Variants in ZNF587B observed in about 807,000 individuals in gnomAD.
ZNF587B encodes zinc finger protein 587B.
A neutral mutation model predicts 7.2 loss-of-function variants in ZNF587B; 6 were observed. That is an observed-to-expected ratio of 0.83 (90% CI 0.46 to 1.65). The LOEUF is 1.65. Among genes scored for constraint, ZNF587B ranks in the 40% most tolerant of loss-of-function variants. The pLI, the probability that ZNF587B is intolerant of heterozygous loss-of-function variation, is 0.01. For synonymous variants in ZNF587B, 274 were observed against 254.3 expected, an observed-to-expected ratio of 1.08 and a Z score of -0.74; for missense variants, 749 against 761.0, an observed-to-expected ratio of 0.98 and a Z score of 0.19.
chr19:57,845,347 T>A lies in ZNF587B; in HGVS notation c.*2771T>A, dbSNP rs1330753171. On this transcript the variant is annotated 3_prime_UTR_variant, in exon 3 of 3. Coordinates refer to ENST00000594901, the MANE Select transcript of ZNF587B (RefSeq NM_001376223.1). ...ACTGTGTCTGTGATGGATAAGCAGATACAGAAATTCTCAAGACTTCCATAA... is the reference window on the plus strand; with the variant it reads ...ACTGTGTCTGTGATGGATAAGCAGAAACAGAAATTCTCAAGACTTCCATAA... The A allele has an allele frequency of 1.3e-5, 2 of 152,206 alleles. No individual in the cohort carries two copies. Among genetic ancestry groups the A allele is most frequent in the Non-Finnish European group, 2.9e-5 (2 of 68,040 alleles). 9.4% of individuals were successfully genotyped at this position (152,206 alleles called of 1,614,324 possible). A position where few individuals can be genotyped will look rare whatever the true frequency, so the allele number is the denominator to read the frequency against.
At position 57,843,577 on chromosome 19, in the gene ZNF587B, TGGTTGGTTG is replaced by T. The variant is rs1568501764; in HGVS notation, c.*1003_*1011del. ...TAAGTTTTTTGTTTGGTTGGTTGGT[TGGTTGGTTG>T]GTTGTTTTTTTTTGTTTTTTTTTTT... is the stretch of plus-strand genomic sequence containing the variant. On this transcript the variant is annotated 3_prime_UTR_variant, in exon 3 of 3. Transcript: ENST00000594901. 8 of 940,666 alleles carry T rather than the reference TGGTTGGTTG, an allele frequency of 8.5e-6. No homozygotes were observed. In the African/African-American group the frequency reaches 1.5e-4, roughly 17 times the overall value. The allele number at this position is 940,666 out of a possible 1,614,324, so 58.3% of individuals were successfully genotyped here.
chr19:57,832,435 C>G (rs1988453466), intron 1 of ZNF587B, among the ~76,000 whole-genome samples: 1 of 152,220 alleles, frequency 6.6e-6, no homozygotes, highest in South Asian at 2.1e-4. Context: ...TGATAGAATT[C>G]TGAATTTTTT....
chr19:57,842,618 C>T lies in ZNF587B; in HGVS notation c.*42C>T, dbSNP rs967403211. The T allele has an allele frequency of 7.1e-6, 10 of 1,404,474 alleles. No individual in the cohort carries two copies. The African/African-American group carries it at 8.7e-5, about 12-fold the overall frequency. The allele number at this position is 1,404,474 out of a possible 1,614,324, so 87.0% of individuals were successfully genotyped here. ...CAGTCTCATTAAATACAGGAGAGCA[C>T]ACACCTGAGTAAGATCTTGTGATTG... On this transcript the variant is annotated 3_prime_UTR_variant, in exon 3 of 3. Transcript: ENST00000594901.
chr19:57,841,559 A>G lies in ZNF587B; in HGVS notation c.885A>G (p.Gly295=). 1 of 1,579,266 alleles carries G rather than the reference A, an allele frequency of 6.3e-7. No homozygotes were observed. Among genetic ancestry groups the G allele is most frequent in the South Asian group, 1.1e-5 (1 of 87,178 alleles). Residue 295 remains glycine (G), a synonymous_variant, in exon 3 of 3, where the codon GGA becomes GGG. Transcript: ENST00000594901. ...AACATCAGCAATTTCACACTGGAGG[A>G]AAACCTTATGGGTGTGAAGAATGTG... ...LIQHQQFHTG[G]KPYGCEECGK...
intron 1 of ZNF587B, among the ~76,000 whole-genome samples, chr19:57,831,640 T>C (rs966489476): frequency 6.6e-6 from 1 of 152,126 alleles, no homozygotes; most frequent in African/African-American, 2.4e-5. Context: ...GTGATTCACC[T>C]GCCTCGGCCT....
chr19:57,836,436 T>A (rs558951305), intron 1 of ZNF587B, among the ~76,000 whole-genome samples: 2 of 152,352 alleles, frequency 1.3e-5, no homozygotes, highest in African/African-American at 4.8e-5. Flanking sequence ...GCCACCTGGA[T>A]GCCTGGTCAT....
chr19:57,832,327 C>T (rs547434389), intron 1 of ZNF587B, among the ~76,000 whole-genome samples: 8 of 152,340 alleles, frequency 5.3e-5, no homozygotes, highest in Non-Finnish European at 8.8e-5. Context: ...CATTGTGATC[C>T]GCCCGCCTTG....
intron 1 of ZNF587B, among the ~76,000 whole-genome samples, chr19:57,832,641 G>A (rs1988462023): frequency 6.6e-6 from 1 of 152,216 alleles, no homozygotes; most frequent in Non-Finnish European, 1.5e-5. Context: ...AAACAGTTAG[G>A]TGTTTATTGT....
intron 1 of ZNF587B, among the ~76,000 whole-genome samples, chr19:57,832,809 A>C (rs1220820457): frequency 8.5e-5 from 13 of 152,238 alleles, no homozygotes; most frequent in Admixed American, 8.5e-4. Flanking sequence ...GAGCTGTACC[A>C]CCTTTGTGGT....
At chr19:57,832,353 G>T (rs1041202718) in intron 1 of ZNF587B, among the ~76,000 whole-genome samples, 11 of 152,208 alleles carry the variant, frequency 7.2e-5, no homozygotes, top group African/African-American at 2.7e-4. Context: ...CCAAAGTGTT[G>T]GGATTACAGG....
intron 2 of ZNF587B, among the ~76,000 whole-genome samples, chr19:57,840,075 CAAAAAAAAAAAAAAAAAAAAAAAAA>C (rs774635301): frequency 6.2e-5 from 5 of 81,112 alleles, no homozygotes; most frequent in Non-Finnish European, 1.0e-4. Flanking sequence ...ACTCTGTCTC[CAAAAAAAAAAAAAAAAAAAAAAAAA>C]AAAAAAAAAA....
intron 1 of ZNF587B, among the ~76,000 whole-genome samples, chr19:57,832,247 C>T (rs113310441): frequency 0.04 from 6,060 of 151,794 alleles, 164 homozygotes; most frequent in Non-Finnish European, 0.054. Context: ...CTACTATGCC[C>T]GGCTTATTTT....
At chr19:57,830,767 C>T (rs1988349932) in intron 1 of ZNF587B, among the ~76,000 whole-genome samples, 1 of 151,556 alleles carries the variant, frequency 6.6e-6, no homozygotes, top group Non-Finnish European at 1.5e-5. Flanking sequence ...TTAGAGAAAA[C>T]GCCACACTTT....
rs201680969 is a variant in ZNF587B at position 57,843,606 on chromosome 19, T to TTTG, written c.*1032_*1033insGTT. The TTTG allele has an allele frequency of 3.1e-3, 2,773 of 908,538 alleles. 63 individuals are homozygous for TTTG. In the African/African-American group the frequency reaches 0.04, roughly 13 times the overall value. The allele number at this position is 908,538 out of a possible 1,614,324, so 56.3% of individuals were successfully genotyped here. A position where few individuals can be genotyped will look rare whatever the true frequency, so the allele number is the denominator to read the frequency against. On this transcript the variant is annotated 3_prime_UTR_variant, in exon 3 of 3. Coordinates refer to ENST00000594901, the MANE Select transcript of ZNF587B (RefSeq NM_001376223.1). ...TGGTTGGTTGTTTTTTTTTGTTTTT[T>TTTG]TTTTTTTTTTTTTTGGAGACAAAGT... is the stretch of plus-strand genomic sequence containing the variant.
chr19:57,837,876 C>T (rs745778295), intron 1 of ZNF587B, among the ~76,000 whole-genome samples: 18 of 152,112 alleles, frequency 1.2e-4, no homozygotes, highest in Non-Finnish European at 1.9e-4. Context: ...CGAGCCACCA[C>T]GCCTGGCTCA....
At position 57,844,849 on chromosome 19, in the gene ZNF587B, A is replaced by G. The variant is rs1238774822; in HGVS notation, c.*2273A>G. The G allele has an allele frequency of 1.3e-5, 2 of 152,244 alleles. No homozygotes were observed. The highest frequency in any genetic ancestry group is 4.8e-5 in the African/African-American group (2 of 41,460). The allele number at this position is 152,244 out of a possible 1,614,324, so 9.4% of individuals were successfully genotyped here. On this transcript the variant is annotated 3_prime_UTR_variant, in exon 3 of 3. Coordinates refer to ENST00000594901, the MANE Select transcript of ZNF587B (RefSeq NM_001376223.1). The stretch of plus-strand genomic sequence containing the variant: ...AGATCTTACAAGGCACACATGTGCC[A>G]TGATATCCAGAATTCTGTAAGGCAA...
chr19:57,838,173 G>A (rs1257416824), intron 1 of ZNF587B, among the ~76,000 whole-genome samples: 3 of 151,822 alleles, frequency 2.0e-5, no homozygotes, highest in Non-Finnish European at 4.4e-5. Flanking sequence ...CAGGTGTGGT[G>A]GTGCACACCT....
Position 57,842,664 on chromosome 19 carries a change from T to G in ZNF587B, c.*88T>G. On this transcript the variant is annotated 3_prime_UTR_variant, in exon 3 of 3. Coordinates refer to ENST00000594901, the MANE Select transcript of ZNF587B (RefSeq NM_001376223.1). ...GATTGCAGCAAATGTGGAAAATGTT[T>G]ACCCAAAAGAAGTCTGCTCTCCTTG... is the stretch of plus-strand genomic sequence containing the variant. The G allele has an allele frequency of 1.5e-6, 2 of 1,350,244 alleles. No individual in the cohort carries two copies. Among genetic ancestry groups the G allele is most frequent in the Non-Finnish European group, 1.9e-6 (2 of 1,055,236 alleles). The allele number at this position is 1,350,244 out of a possible 1,614,324, so 83.6% of individuals were successfully genotyped here.
rs201031251 is a variant in ZNF587B, at chr19:57,831,711, T to TA, written c.36+1147_36+1148insA. Among the ~76,000 whole-genome samples, 429 of 150,416 alleles carry TA rather than the reference T, an allele frequency of 2.9e-3. 2 individuals carry two copies. Among genetic ancestry groups the TA allele is most frequent in the African/African-American group, 4.7e-3 (193 of 40,896 alleles). On this transcript the variant is annotated intron_variant, in intron 1 of 2. Transcript: ENST00000594901. Reference sequence around the variant, plus strand: ...GCCCAGCTTATTTTATTTATTTATTTTTTTTTTTTTTGAGACAGAGTCTCA... The same window carrying TA: ...GCCCAGCTTATTTTATTTATTTATTTATTTTTTTTTTTGAGACAGAGTCTCA...
Sources: gnomAD v4.1 joint callset for allele counts (sites outside exome capture counted in the v4.1 genomes callset) on GRCh38, gnomAD v4.1.1 for gene constraint, MANE v1.5 for transcripts, NCBI Gene and HGNC (gene_info 2026-07-23, HGNC 2026-07-21) for gene names.